The following TULP4 variants were observed in gnomAD, a reference collection of about 807,000 sequenced individuals.
TULP4 encodes the protein tubby-related protein 4.
TULP4 carries 16 observed loss-of-function variants against 129.0 expected under a neutral mutation model. The ratio of observed to expected loss-of-function variants is 0.12; its 90% CI spans 0.08 to 0.19. The LOEUF (loss-of-function observed/expected upper bound fraction) is 0.19, where lower values mean the gene tolerates loss of function less well. TULP4 is among the 10% of genes least tolerant of loss of function. TULP4 has a pLI of 1.00. For synonymous variants in TULP4, 998 were observed against 854.0 expected (o/e 1.17, Z -2.94); for missense variants, 1,842 against 2,059.1 (o/e 0.89, Z 2.04).
intron 6 of TULP4, among the ~76,000 whole-genome samples, chr6:158,477,489 A>G (rs914609552): frequency 5.9e-5 from 9 of 152,376 alleles, no homozygotes; most frequent in African/African-American, 1.9e-4. Flanking sequence ...GAAGACATAC[A>G]TGCAGCCAAC....
At chr6:158,388,316 G>A (rs891642253) in intron 1 of TULP4, among the ~76,000 whole-genome samples, 3 of 92,822 alleles carry the variant, frequency 3.2e-5, no homozygotes, top group South Asian at 3.6e-4. Flanking sequence ...TAATCTGCTC[G>A]TTTTTCTTTT....
intron 1 of TULP4, among the ~76,000 whole-genome samples, chr6:158,295,665 A>G (rs541824574): frequency 2.0e-4 from 31 of 152,246 alleles, no homozygotes; most frequent in Middle Eastern, 6.8e-3. Flanking sequence ...CAAGGTGGGC[A>G]GATCACAAGG....
intron 1 of TULP4, among the ~76,000 whole-genome samples, chr6:158,291,573 A>ATT (rs370599079): frequency 4.0e-5 from 6 of 149,452 alleles, no homozygotes; most frequent in African/African-American, 1.5e-4. Flanking sequence ...GTGTCTGTGC[A>ATT]TTTTTTTTTA....
upstream of TULP4, among the ~76,000 whole-genome samples, chr6:158,308,602 C>T (rs1267552922): frequency 6.6e-6 from 1 of 151,660 alleles, no homozygotes; most frequent in Non-Finnish European, 1.5e-5. Context: ...CCCTCACCTC[C>T]CGGACGGGGC....
intron 1 of TULP4, among the ~76,000 whole-genome samples, chr6:158,248,175 C>A (rs2128450519): frequency 6.6e-6 from 1 of 152,216 alleles, no homozygotes; most frequent in East Asian, 1.9e-4. Context: ...TGCATGGTGG[C>A]TCATGCCTGT....
rs756846764 is a variant in TULP4 at position 158,503,984 on chromosome 6, G to A, written c.4321G>A (p.Glu1441Lys). The A allele has an allele frequency of 2.3e-5, 37 of 1,612,696 alleles. No homozygotes were observed. The highest frequency in any genetic ancestry group is 5.0e-5 in the Admixed American group (3 of 59,898). ...CAAGCGCTCCCCACGGGCCGCCGGC[G>A]AGCTGGAGGAGGCCAAGTGCCGGCG... is the stretch of plus-strand genomic sequence containing the variant. ...KSKRSPRAAG[E>K]LEEAKCRRAS... The change falls in exon 13 of 14, where the codon GAG (glutamate) becomes AAG (lysine). Residue 1441 changes from glutamate (E) to lysine (K), a missense_variant. Around this residue, in one of 5 missense-constraint regions of TULP4, gnomAD observed 1,089 missense variants for 987.1 expected, o/e 1.10. Transcript: ENST00000367097. The surrounding 1 kb of genome is among the most constrained non-coding windows in gnomAD (Gnocchi z 4.3).
At chr6:158,454,020 C>T (rs73798318) in intron 5 of TULP4, among the ~76,000 whole-genome samples, 545 of 43,940 alleles carry the variant, frequency 0.012, 34 homozygotes, top group African/African-American at 0.033. Context: ...GCCTCTGCAC[C>T]GCCCCCCCCC....
At chr6:158,448,938 T>C in intron 3 of TULP4, 58 bp from the exon 4 acceptor site, 4 of 1,521,878 alleles carry the variant, frequency 2.6e-6, no homozygotes, top group Non-Finnish European at 3.6e-6. Context: ...GGCAACAAGG[T>C]GTGCCAGAAA....
At chr6:158,323,894 A>C (rs1779690816) in intron 1 of TULP4, among the ~76,000 whole-genome samples, 1 of 152,204 alleles carries the variant, frequency 6.6e-6, no homozygotes, top group African/African-American at 2.4e-5. Context: ...TATACGTAGG[A>C]TCTTTTTTCT....
chr6:158,256,703 C>T (rs1244333715), intron 1 of TULP4, among the ~76,000 whole-genome samples: 1 of 152,150 alleles, frequency 6.6e-6, no homozygotes. Context: ...CTGTCTGAAC[C>T]ATATAGTGGA....
chr6:158,272,772 G>A (rs1281672784), intron 1 of TULP4, among the ~76,000 whole-genome samples: 1 of 152,198 alleles, frequency 6.6e-6, no homozygotes, highest in African/African-American at 2.4e-5. Context: ...AGTTTCTAGA[G>A]TGTTTCAGTC....
At chr6:158,396,347 C>T (rs903113999) in intron 1 of TULP4, among the ~76,000 whole-genome samples, 1 of 152,154 alleles carries the variant, frequency 6.6e-6, no homozygotes, top group Non-Finnish European at 1.5e-5. Context: ...TGCGTAAAAG[C>T]AATTCAGTCA....
intron 2 of TULP4, among the ~76,000 whole-genome samples, chr6:158,422,161 A>G (rs528068511): frequency 3.3e-5 from 5 of 152,234 alleles, no homozygotes; most frequent in Non-Finnish European, 7.3e-5. Context: ...GAAAAATGAT[A>G]AGGTAGAGAT....
At chr6:158,355,366 A>G (rs923076721) in intron 1 of TULP4, among the ~76,000 whole-genome samples, 4 of 152,202 alleles carry the variant, frequency 2.6e-5, no homozygotes, top group African/African-American at 7.2e-5. Context: ...GATTATAGAC[A>G]TGAGCCACTG....
chr6:158,276,731 C>T (rs922559431), intron 1 of TULP4, among the ~76,000 whole-genome samples: 2 of 152,040 alleles, frequency 1.3e-5, no homozygotes, highest in African/African-American at 4.8e-5. Flanking sequence ...GGGTGCAAAC[C>T]AGCACTGCCT....
At chr6:158,469,608 C>T (rs1168544722) in intron 6 of TULP4, among the ~76,000 whole-genome samples, 1 of 151,962 alleles carries the variant, frequency 6.6e-6, no homozygotes, top group Non-Finnish European at 1.5e-5. Flanking sequence ...GTTGCAGCCA[C>T]ATCTCTAAGT....
At chr6:158,429,677 T>G (rs1312813605) in intron 2 of TULP4, 59 bp from the exon 3 acceptor site, 8 of 1,561,316 alleles carry the variant, frequency 5.1e-6, no homozygotes, top group Non-Finnish European at 7.0e-6. Flanking sequence ...GTCTAGACTT[T>G]GATAAAATGT....
chr6:158,409,776 C>T (rs1405439113), intron 1 of TULP4, among the ~76,000 whole-genome samples: 9 of 152,152 alleles, frequency 5.9e-5, no homozygotes, highest in Non-Finnish European at 1.2e-4. Context: ...CTCACCTTTT[C>T]GTTTATACTA....
intron 1 of TULP4, among the ~76,000 whole-genome samples, chr6:158,345,066 T>C (rs114544297): frequency 0.017 from 2,618 of 152,298 alleles, 75 homozygotes; most frequent in African/African-American, 0.059. Flanking sequence ...CCAAAGAATG[T>C]CCTAACTCTC....
Sources: gnomAD v4.1 joint callset for allele counts (sites outside exome capture counted in the v4.1 genomes callset) on GRCh38, gnomAD v4.1.1 for gene constraint, gnomAD v4.1.1 regional missense constraint, Gnocchi (gnomAD v3.1) non-coding constraint, MANE v1.5 for transcripts, NCBI Gene and HGNC (gene_info 2026-07-23, HGNC 2026-07-21) for gene names.